CPNE4: variants seen among roughly 807,000 people sequenced by gnomAD.
CPNE4 encodes the protein copine 4.
In CPNE4, 25 loss-of-function variants were observed where a neutral mutation model predicts 67.9. That is an observed-to-expected ratio of 0.37 (90% CI 0.27 to 0.51). The LOEUF (loss-of-function observed/expected upper bound fraction) is 0.51, where lower values mean the gene tolerates loss of function less well. CPNE4 is among the 20% of genes least tolerant of loss of function. The pLI is 0.93. For missense variants in CPNE4, 464 were observed against 690.8 expected (o/e 0.67, Z 3.68); for synonymous variants, 242 against 244.9 (o/e 0.99, Z 0.11).
chr3:131,921,446 G>C (rs2070737937), intron 1 of CPNE4, among the ~76,000 whole-genome samples: 1 of 152,298 alleles, frequency 6.6e-6, no homozygotes, highest in East Asian at 1.9e-4. Context: ...GTGCCATGAG[G>C]AGCTCTGAAA....
At chr3:131,882,999 G>A (rs138696393) in intron 2 of CPNE4, among the ~76,000 whole-genome samples, 1 of 152,102 alleles carries the variant, frequency 6.6e-6, no homozygotes, top group Admixed American at 6.5e-5. Context: ...TTACAGGCGT[G>A]AGCCACCATG....
At chr3:131,953,386 A>G (rs1488944605) in intron 1 of CPNE4, among the ~76,000 whole-genome samples, 1 of 151,904 alleles carries the variant, frequency 6.6e-6, no homozygotes, top group Non-Finnish European at 1.5e-5. Context: ...ATGCGGAAGT[A>G]TATTTCTTCT....
At chr3:131,746,224 A>G (rs891841627) in intron 2 of CPNE4, among the ~76,000 whole-genome samples, 4 of 152,148 alleles carry the variant, frequency 2.6e-5, no homozygotes, top group Non-Finnish European at 5.9e-5. Flanking sequence ...TAATCAAACC[A>G]TGGTAATTAG....
chr3:131,713,342 G>C (rs925346271), intron 3 of CPNE4, among the ~76,000 whole-genome samples: 1 of 152,128 alleles, frequency 6.6e-6, no homozygotes, highest in Non-Finnish European at 1.5e-5. Flanking sequence ...CTACCAGGTA[G>C]GTAGAATGAT....
chr3:131,742,286 T>C (rs1479401780), intron 2 of CPNE4, among the ~76,000 whole-genome samples: 2 of 152,164 alleles, frequency 1.3e-5, no homozygotes, highest in Non-Finnish European at 2.9e-5. Context: ...CTGTCTTCAA[T>C]CTGGGACACC....
intron 6 of CPNE4, among the ~76,000 whole-genome samples, chr3:131,680,228 T>C (rs763558175): frequency 3.3e-5 from 5 of 150,494 alleles, no homozygotes; most frequent in Non-Finnish European, 7.4e-5. Context: ...GTCTGTTTTG[T>C]TGGAAACTAG....
intron 2 of CPNE4, among the ~76,000 whole-genome samples, chr3:131,882,835 G>T (rs761790449): frequency 5.3e-5 from 8 of 150,808 alleles, no homozygotes; most frequent in Non-Finnish European, 1.0e-4. Flanking sequence ...TCCTGCCTCA[G>T]CCTCCTGAGG....
chr3:131,656,195 T>A (rs6773857), intron 7 of CPNE4, among the ~76,000 whole-genome samples: 123,677 of 151,724 alleles, frequency 0.82, 50,754 homozygotes, highest in East Asian at 0.94. Flanking sequence ...GGAGGGAAAG[T>A]TATGTTTAAA....
intron 2 of CPNE4, among the ~76,000 whole-genome samples, chr3:131,897,997 T>C (rs2088403404): frequency 6.6e-6 from 1 of 152,100 alleles, no homozygotes; most frequent in Admixed American, 6.6e-5. Flanking sequence ...ATAAAGTGCT[T>C]AGGAGAGTAC....
chr3:131,801,356 ATATATATATATG>A (rs2084098707), intron 2 of CPNE4, among the ~76,000 whole-genome samples: 2 of 100,376 alleles, frequency 2.0e-5, no homozygotes. Context: ...TATATGTACC[ATATATATATATG>A]TACCATATAT....
chr3:131,841,225 A>C (rs900416761), intron 2 of CPNE4, among the ~76,000 whole-genome samples: 1 of 152,236 alleles, frequency 6.6e-6, no homozygotes, highest in Non-Finnish European at 1.5e-5. Context: ...CTTCCAAAGA[A>C]GTATAAACTG....
chr3:131,997,094 C>T (rs1016690408), intron 1 of CPNE4, among the ~76,000 whole-genome samples: 4 of 152,100 alleles, frequency 2.6e-5, no homozygotes, highest in African/African-American at 7.2e-5. Context: ...CCTCTCTCCA[C>T]CATAGTTTTG....
chr3:131,682,800 C>G (rs1159956021), intron 6 of CPNE4, among the ~76,000 whole-genome samples: 1 of 152,012 alleles, frequency 6.6e-6, no homozygotes, highest in African/African-American at 2.4e-5. Context: ...AACCTTAGGA[C>G]TCTACCTCAT....
At chr3:131,746,166 A>G (rs1216920156) in intron 2 of CPNE4, among the ~76,000 whole-genome samples, 1 of 152,136 alleles carries the variant, frequency 6.6e-6, no homozygotes, top group East Asian at 1.9e-4. Context: ...ATAAGTGTAC[A>G]TATTTATGGG....
intron 2 of CPNE4, among the ~76,000 whole-genome samples, chr3:131,774,420 T>C (rs1583176449): frequency 6.6e-6 from 1 of 151,954 alleles, no homozygotes; most frequent in East Asian, 1.9e-4. Flanking sequence ...CATCTTACTA[T>C]AAGGTTAGAC....
At position 131,535,094 on chromosome 3, in the gene CPNE4, A is replaced by G; in HGVS notation, c.*101T>C. On this transcript the variant is annotated 3_prime_UTR_variant, in exon 16 of 16. Coordinates refer to ENST00000429747, the MANE Select transcript of CPNE4 (RefSeq NM_130808.3). ...CAAAACGTGCTATTTTTAAATGTGT[A>G]TATGTTGTTGGTTTTTTAAAGTACA... The G allele has an allele frequency of 5.6e-6, 7 of 1,247,176 alleles. No individual in the cohort carries two copies. Among genetic ancestry groups the G allele is most frequent in the East Asian group, 2.4e-5 (1 of 41,040 alleles). 77.3% of individuals were successfully genotyped at this position (1,247,176 alleles called of 1,614,324 possible). A position where few individuals can be genotyped will look rare whatever the true frequency, so the allele number is the denominator to read the frequency against.
intron 1 of CPNE4, among the ~76,000 whole-genome samples, chr3:132,014,153 C>T (rs1443057227): frequency 6.6e-6 from 1 of 152,144 alleles, no homozygotes; most frequent in South Asian, 2.1e-4. Context: ...AGTGAAGAGT[C>T]TTGGAAGACA....
intron 2 of CPNE4, among the ~76,000 whole-genome samples, chr3:131,741,633 G>C (rs1373948424): frequency 6.6e-6 from 1 of 152,188 alleles, no homozygotes; most frequent in Non-Finnish European, 1.5e-5. Context: ...CCTTGACACA[G>C]CAAAGAGTTG....
intron 6 of CPNE4, among the ~76,000 whole-genome samples, chr3:131,674,363 T>A (rs375842511): frequency 2.6e-5 from 4 of 152,152 alleles, no homozygotes; most frequent in East Asian, 1.9e-4. Flanking sequence ...CCTCCTTTTT[T>A]AAAATAGTTC....
Sources: gnomAD v4.1 joint callset for allele counts (sites outside exome capture counted in the v4.1 genomes callset) on GRCh38, gnomAD v4.1.1 for gene constraint, MANE v1.5 for transcripts, NCBI Gene and HGNC (gene_info 2026-07-23, HGNC 2026-07-21) for gene names.